The following FBXO34 variants were observed in gnomAD, a reference collection of about 807,000 sequenced individuals.
FBXO34 encodes the protein F-box only protein 34.
FBXO34 carries 12 observed loss-of-function variants against 24.5 expected under a neutral mutation model. That is an observed-to-expected ratio of 0.49 (90% confidence interval 0.31 to 0.79). The LOEUF is 0.79. FBXO34 is among the 30% of genes least tolerant of loss of function. The probability of loss-of-function intolerance (pLI) is 0.04; values close to 1 mark genes in which losing one functional copy is unlikely to be tolerated. For missense variants in FBXO34, 823 were observed against 857.7 expected (o/e 0.96, Z 0.51); for synonymous variants, 320 against 311.9 (o/e 1.03, Z -0.27).
At chr14:55,289,781 C>T (rs1881880538) in intron 1 of FBXO34, among the ~76,000 whole-genome samples, 1 of 151,812 alleles carries the variant, frequency 6.6e-6, no homozygotes, top group Admixed American at 6.6e-5. Flanking sequence ...CTCCTGGACT[C>T]AAGGATTATT....
At chr14:55,404,248 C>G in the FBXO34 span, among the ~76,000 whole-genome samples, 4 of 152,218 alleles carry the variant, frequency 2.6e-5, no homozygotes, top group Non-Finnish European at 5.9e-5. Context: ...TCACTTGGCT[C>G]TGGCTGAAAG....
chr14:55,426,654 C>G, the FBXO34 span, among the ~76,000 whole-genome samples: 1 of 150,076 alleles, frequency 6.7e-6, no homozygotes, highest in Non-Finnish European at 1.5e-5. Flanking sequence ...GAGGGGGAGG[C>G]AAGAATGAGA....
chr14:55,378,489 A>G, the FBXO34 span, among the ~76,000 whole-genome samples: 1 of 152,192 alleles, frequency 6.6e-6, no homozygotes, highest in Non-Finnish European at 1.5e-5. Context: ...GAGGCCCACA[A>G]GATTTGCACC....
chr14:55,402,189 T>C, the FBXO34 span, among the ~76,000 whole-genome samples: 1 of 152,190 alleles, frequency 6.6e-6, no homozygotes, highest in Non-Finnish European at 1.5e-5. Flanking sequence ...GCACTTACTA[T>C]GTCCCAAGCA....
chr14:55,402,067 T>C, the FBXO34 span, among the ~76,000 whole-genome samples: 1 of 152,068 alleles, frequency 6.6e-6, no homozygotes, highest in Admixed American at 6.5e-5. Context: ...CACATAAATC[T>C]GCCTTATATT....
At chr14:55,365,073 A>AAC (rs1555340804), downstream of FBXO34, among the ~76,000 whole-genome samples, 9 of 150,692 alleles carry the variant, frequency 6.0e-5, no homozygotes, top group African/African-American at 2.2e-4. Flanking sequence ...AAAAAAAAAA[A>AAC]AAAAAGCCAG....
chr14:55,383,305 C>T, the FBXO34 span, among the ~76,000 whole-genome samples: 2 of 152,128 alleles, frequency 1.3e-5, no homozygotes, highest in Non-Finnish European at 2.9e-5. Flanking sequence ...AATCCCAGCA[C>T]TTTGGAAGGC....
chr14:55,302,805 TC>T (rs1882409810), intron 1 of FBXO34, among the ~76,000 whole-genome samples: 1 of 152,224 alleles, frequency 6.6e-6, no homozygotes, highest in African/African-American at 2.4e-5. Flanking sequence ...ACTAAGAAAT[TC>T]TGTTTTCTTC....
chr14:55,355,280 A>G (rs1443535676), downstream of FBXO34: 1 of 152,064 alleles, frequency 6.6e-6, no homozygotes, highest in African/African-American at 2.4e-5. Context: ...TAAAACAGAC[A>G]TACGAGAGGA....
chr14:55,323,815 T>C (rs1883251587), intron 1 of FBXO34, among the ~76,000 whole-genome samples: 1 of 152,242 alleles, frequency 6.6e-6, no homozygotes. Flanking sequence ...ATTGAACCAC[T>C]TATTTCTGTA....
chr14:55,407,095 G>A, the FBXO34 span, among the ~76,000 whole-genome samples: 1 of 151,840 alleles, frequency 6.6e-6, no homozygotes. Context: ...CCGAGTAGCT[G>A]GGTTTACAGG....
At chr14:55,395,844 A>T in the FBXO34 span, 1 of 926,346 alleles carries the variant, frequency 1.1e-6, no homozygotes, top group Non-Finnish European at 1.5e-6. Flanking sequence ...ACTGCTAAAT[A>T]CGATTTTTAA....
chr14:55,442,227 T>G, the FBXO34 span, among the ~76,000 whole-genome samples: 1 of 150,572 alleles, frequency 6.6e-6, no homozygotes, highest in African/African-American at 2.4e-5. Flanking sequence ...CATCTATACC[T>G]AAAATACAAA....
chr14:55,360,032 A>G (rs1352847241), intron 3 of FBXO34, among the ~76,000 whole-genome samples: 1 of 151,914 alleles, frequency 6.6e-6, no homozygotes, highest in Non-Finnish European at 1.5e-5. Flanking sequence ...GTGAGCCATG[A>G]TCATTGCTAC....
At chr14:55,397,648 CTG>C in the FBXO34 span, among the ~76,000 whole-genome samples, 1 of 152,136 alleles carries the variant, frequency 6.6e-6, no homozygotes, top group Non-Finnish European at 1.5e-5. Context: ...AAATTATTTC[CTG>C]TGTTTATAAA....
rs1882188515 is a variant in FBXO34 at position 55,297,693 on chromosome 14, A to G, written c.-11+26156A>G. On this transcript the variant is annotated intron_variant, in intron 1 of 1. Transcript: ENST00000313833. ...CATTACATGAAATGCTAAAATGTAT[A>G]TCTATGTGTATGTGCAAATATTTTC... Among the ~76,000 whole-genome samples, 3 of 152,312 alleles carry G rather than the reference A, an allele frequency of 2.0e-5. No homozygotes were observed. In the South Asian group the frequency reaches 6.2e-4, roughly 32 times the overall value.
chr14:55,437,711 T>C, the FBXO34 span, among the ~76,000 whole-genome samples: 2 of 152,196 alleles, frequency 1.3e-5, no homozygotes, highest in Non-Finnish European at 2.9e-5. Flanking sequence ...TTATAAACTT[T>C]AGTTGACTTT....
chr14:55,406,742 T>C, the FBXO34 span, among the ~76,000 whole-genome samples: 2 of 152,130 alleles, frequency 1.3e-5, no homozygotes, highest in African/African-American at 2.4e-5. Context: ...TTAAAGCACA[T>C]AGTCTGGAAA....
At chr14:55,369,891 C>A, downstream of FBXO34, 1 of 1,613,558 alleles carries the variant, frequency 6.2e-7, no homozygotes, top group Non-Finnish European at 8.5e-7. Flanking sequence ...TCCATGGACT[C>A]CTCAAGGTCT....
Sources: allele counts gnomAD v4.1 joint callset (sites outside exome capture counted in the v4.1 genomes callset), GRCh38; gene constraint gnomAD v4.1.1; transcripts MANE v1.5; gene names NCBI Gene and HGNC (gene_info 2026-07-23, HGNC 2026-07-21).